WDR35: variants seen among roughly 807,000 people sequenced by gnomAD.
The protein encoded by WDR35 is WD repeat-containing protein 35.
In WDR35, 118 loss-of-function variants were observed where a neutral mutation model predicts 158.3. The observed-to-expected ratio is 0.75, with a 90% CI of 0.64 to 0.87. The LOEUF is 0.87. Among genes scored for constraint, WDR35 ranks in the 40% least tolerant of loss-of-function variants. The probability of loss-of-function intolerance (pLI) is 0.00; values close to 1 mark genes in which losing one functional copy is unlikely to be tolerated. For synonymous variants in WDR35, 448 were observed against 476.1 expected (o/e 0.94, Z 0.77); for missense variants, 1,263 against 1,405.8 (o/e 0.90, Z 1.62).
Position 19,931,348 on chromosome 2 carries a change from A to G in WDR35, c.2885T>C (p.Leu962Pro). ...KPLRVKKLYVLSALLIEQYHE... is the reference protein window; with the variant it reads ...KPLRVKKLYVPSALLIEQYHE... Reference sequence around the variant, plus strand: ...GTATTGCTCTATAAGTAAGGCTGACAGTACATAGAGCTTCTTGACACGTAA... The same window carrying G: ...GTATTGCTCTATAAGTAAGGCTGACGGTACATAGAGCTTCTTGACACGTAA... Residue 962 changes from leucine to proline, a missense_variant, in exon 24 of 27, where the codon CTG becomes CCG. By Grantham distance (98) the Leu-to-Pro change is moderately conservative. Transcript: ENST00000281405. The G allele has an allele frequency of 1.2e-6, 2 of 1,613,500 alleles. No individual in the cohort carries two copies. The highest frequency in any genetic ancestry group is 8.5e-7 in the Non-Finnish European group (1 of 1,179,716).
At chr2:19,965,504 C>G (rs917063182) in intron 10 of WDR35, among the ~76,000 whole-genome samples, 14 of 152,308 alleles carry the variant, frequency 9.2e-5, no homozygotes, top group African/African-American at 3.1e-4. Context: ...GTCGAATTCT[C>G]CTGAGAAGAT....
intron 25 of WDR35, among the ~76,000 whole-genome samples, chr2:19,919,762 C>T (rs1670110226): frequency 1.3e-5 from 2 of 152,032 alleles, no homozygotes; most frequent in Admixed American, 6.5e-5. Flanking sequence ...GATAGAGACA[C>T]AAAAAACCCT....
chr2:19,957,993 G>A (rs1671504663), intron 11 of WDR35, among the ~76,000 whole-genome samples: 1 of 152,218 alleles, frequency 6.6e-6, no homozygotes, highest in Non-Finnish European at 1.5e-5. Flanking sequence ...AAACCTGCTT[G>A]TAATATTTTA....
At position 19,963,784 on chromosome 2, in the gene WDR35, G is replaced by A. The variant is rs181808871; in HGVS notation, c.1194+2940C>T. 8.6e-3 allele frequency among the ~76,000 whole-genome samples: 1,308 copies of A among 151,646 alleles called. 19 individuals carry two copies. Among genetic ancestry groups the A allele is most frequent in the African/African-American group, 0.03 (1,243 of 41,318 alleles). On this transcript the variant is annotated intron_variant, in intron 10 of 26. Transcript: ENST00000281405. ...CTTTGAGACAGAGTCTCACTCTGTCGCCCAGGCTGGAGTGCAGTGGCACAT... is the reference window on the plus strand; with the variant it reads ...CTTTGAGACAGAGTCTCACTCTGTCACCCAGGCTGGAGTGCAGTGGCACAT...
chr2:19,932,111 C>T (rs998946389), intron 23 of WDR35, among the ~76,000 whole-genome samples, 172 bp downstream of exon 23: 6 of 152,012 alleles, frequency 3.9e-5, no homozygotes, highest in African/African-American at 1.4e-4. Flanking sequence ...TAATAAACAT[C>T]TTTGTTGGTA....
chr2:19,926,387 T>C (rs1475912305), intron 25 of WDR35, among the ~76,000 whole-genome samples: 1 of 152,240 alleles, frequency 6.6e-6, no homozygotes, highest in Non-Finnish European at 1.5e-5. Context: ...AGGTTAAGTT[T>C]TCCAGACGCC....
At position 19,930,432 on chromosome 2, in the gene WDR35, G is replaced by A. The variant is rs751789400; in HGVS notation, c.3085C>T (p.Leu1029Phe). 1 of 1,614,124 alleles carries A rather than the reference G, an allele frequency of 6.2e-7. No individual in the cohort carries two copies. The highest frequency in any genetic ancestry group is 8.5e-7 in the Non-Finnish European group (1 of 1,180,008). Residue 1029 changes from leucine to phenylalanine, a missense_variant, in exon 25 of 27, where the codon CTC (leucine) becomes TTC (phenylalanine). Transcript: ENST00000281405. The part of the protein sequence containing the change: ...YHFFILAQRQ[L>F]YEGCVDTALK... ...GCAGTGTCCACACATCCCTCATAGAGCTGCCTCTGTGCAAGTATAAAGAAG... is the reference window on the plus strand; with the variant it reads ...GCAGTGTCCACACATCCCTCATAGAACTGCCTCTGTGCAAGTATAAAGAAG...
In WDR35 at chr2:19,939,418, T is replaced by C. The variant is rs181210875; in HGVS notation, c.1927-1017A>G. Among the ~76,000 whole-genome samples the C allele has an allele frequency of 1.5e-3, 231 of 152,272 alleles. 1 individual carries two copies. Among genetic ancestry groups the C allele is most frequent in the African/African-American group, 5.4e-3 (223 of 41,572 alleles). ...AATATAATTTAAACTAATAACTACC[T>C]GGTTTTTCATAATTTTTCTTCTCAA... On this transcript the variant is annotated intron_variant, in intron 17 of 26. Transcript: ENST00000281405.
chr2:19,977,242 A>T (rs909878316), intron 5 of WDR35, among the ~76,000 whole-genome samples: 2 of 152,234 alleles, frequency 1.3e-5, no homozygotes, highest in Non-Finnish European at 2.9e-5. Context: ...TGTGTTCAGC[A>T]CAGACATTTT....
chr2:19,965,674 C>T (rs527803580), intron 10 of WDR35, among the ~76,000 whole-genome samples: 52 of 152,264 alleles, frequency 3.4e-4, no homozygotes, highest in African/African-American at 1.3e-3. Context: ...TGCTCTTCAG[C>T]GCAGAGACTC....
intron 2 of WDR35, 50 bp from the exon 3 acceptor site, chr2:19,982,584 A>T: frequency 6.3e-7 from 1 of 1,578,938 alleles, no homozygotes; most frequent in African/African-American, 1.4e-5. Context: ...AAAGTGACAT[A>T]TTATAAGATT....
In WDR35 at chr2:19,974,558, T is replaced by A; in HGVS notation, c.646A>T (p.Thr216Ser). The part of the protein sequence containing the change: ...SIAGIHWYHG[T>S]EGYVEPDCPC... Reference sequence around the variant, plus strand: ...CAATCAGGCTCCACGTAGCCTTCTGTGCCATGGTACCAATGAATTCCAGCA... The same window carrying A: ...CAATCAGGCTCCACGTAGCCTTCTGAGCCATGGTACCAATGAATTCCAGCA... The change falls in exon 7 of 27, where the codon ACA becomes TCA. Residue 216 changes from threonine (T) to serine (S), a missense_variant. Coordinates refer to ENST00000281405, the MANE Select transcript of WDR35 (RefSeq NM_020779.4). 6.2e-7 allele frequency: 1 copy of A among 1,613,568 alleles called. No homozygotes were observed. The highest frequency in any genetic ancestry group is 8.5e-7 in the Non-Finnish European group (1 of 1,179,734).
At chr2:19,972,628 G>A (rs1388665631) in intron 8 of WDR35, among the ~76,000 whole-genome samples, 1 of 151,404 alleles carries the variant, frequency 6.6e-6, no homozygotes, top group Non-Finnish European at 1.5e-5. Flanking sequence ...GAGCATCTAC[G>A]TTCTACAGTA....
At position 19,925,096 on chromosome 2, in the gene WDR35, G is replaced by A. The variant is rs144837630; in HGVS notation, c.3121+5300C>T. Among the ~76,000 whole-genome samples the A allele has an allele frequency of 9.3e-3, 1,421 of 152,276 alleles. 44 individuals are homozygous for A. The highest frequency in any genetic ancestry group is 0.056 in the Admixed American group (856 of 15,296). ...GTTCCCCGCCACAGCCAGTAGTGCC[G>A]CAGTAGATTTATGCTGCACAAAACT... is the stretch of plus-strand genomic sequence containing the variant. On this transcript the variant is annotated intron_variant, in intron 25 of 26. Coordinates refer to ENST00000281405, the MANE Select transcript of WDR35 (RefSeq NM_020779.4).
chr2:19,966,372 C>A (rs2103444299), intron 10 of WDR35, among the ~76,000 whole-genome samples: 1 of 152,268 alleles, frequency 6.6e-6, no homozygotes, highest in Admixed American at 6.5e-5. Context: ...TTCATTGCTG[C>A]ATAATTTCTT....
intron 8 of WDR35, among the ~76,000 whole-genome samples, chr2:19,972,854 T>C (rs560842191): frequency 9.2e-5 from 14 of 152,032 alleles, no homozygotes; most frequent in Non-Finnish European, 1.8e-4. Flanking sequence ...GGTTAGAAAA[T>C]AAGACATTCA....
At position 19,913,292 on chromosome 2, in the gene WDR35, C is replaced by T. The variant is rs1035343816; in HGVS notation, c.*266G>A. On this transcript the variant is annotated 3_prime_UTR_variant, in exon 27 of 27. Coordinates refer to ENST00000281405, the MANE Select transcript of WDR35 (RefSeq NM_020779.4). ...GGAATATTTCCATGGTATCATGTAA[C>T]CAAAAACAAGATAAACAAAAGAGAG... The T allele has an allele frequency of 2.8e-6, 1 of 351,546 alleles. No homozygotes were observed. Among genetic ancestry groups the T allele is most frequent in the Non-Finnish European group, 5.2e-6 (1 of 192,230 alleles). The allele number at this position is 351,546 out of a possible 1,614,324, so 21.8% of individuals were successfully genotyped here.
intron 16 of WDR35, among the ~76,000 whole-genome samples, chr2:19,944,135 G>C (rs1260086866): frequency 1.3e-5 from 2 of 152,004 alleles, no homozygotes; most frequent in African/African-American, 4.8e-5. Context: ...AGCTAAACCA[G>C]CTGCGACCAC....
rs182009857 is a variant in WDR35 at position 19,956,865 on chromosome 2, C to T, written c.1256-2887G>A. 7.3e-3 allele frequency among the ~76,000 whole-genome samples: 1,107 copies of T among 152,140 alleles called. 10 individuals carry two copies. The highest frequency in any genetic ancestry group is 9.2e-3 in the Non-Finnish European group (623 of 67,994). On this transcript the variant is annotated intron_variant, in intron 11 of 26. Transcript: ENST00000281405. ...CGATCTCCTGACCTCGTGATCCGCC[C>T]GTCTTGGCCTCCCAAAGTGCTGGGA... is the stretch of plus-strand genomic sequence containing the variant.
Sources: allele counts gnomAD v4.1 joint callset (sites outside exome capture counted in the v4.1 genomes callset), GRCh38; gene constraint gnomAD v4.1.1; transcripts MANE v1.5; gene names NCBI Gene and HGNC (gene_info 2026-07-23, HGNC 2026-07-21).